Variants in RLF observed in about 807,000 individuals in gnomAD.
RLF encodes the protein RLF zinc finger.
In RLF, 7 loss-of-function variants were observed where a neutral mutation model predicts 162.9. That is an observed-to-expected ratio of 0.04 (90% CI 0.02 to 0.08). RLF has a LOEUF of 0.08. Ranked by LOEUF, RLF falls within the 10% of genes least tolerant of loss-of-function variation. The pLI is 1.00. For synonymous variants in RLF, 782 were observed against 791.5 expected (o/e 0.99, Z 0.20); for missense variants, 1,664 against 2,244.7 (o/e 0.74, Z 5.23).
At chr1:40,232,923 A>G (rs7517533) in intron 7 of RLF, among the ~76,000 whole-genome samples, 7,888 of 151,900 alleles carry the variant, frequency 0.052, 598 homozygotes, top group African/African-American at 0.17. Context: ...TTTGTTGCCC[A>G]GACTGGTTCT....
intron 1 of RLF, among the ~76,000 whole-genome samples, chr1:40,172,153 A>G (rs1015693981): frequency 6.6e-6 from 1 of 151,982 alleles, no homozygotes; most frequent in African/African-American, 2.4e-5. Context: ...CTAAAAAAAA[A>G]TTTTTTTTAA....
At chr1:40,207,096 C>T (rs1238473586) in intron 5 of RLF, among the ~76,000 whole-genome samples, 2 of 152,108 alleles carry the variant, frequency 1.3e-5, no homozygotes, top group East Asian at 1.9e-4. Context: ...TTTGATTATT[C>T]GGTATTTCCT....
chr1:40,222,733 T>C, intron 6 of RLF, 23 bp downstream of exon 6: 1 of 1,601,630 alleles, frequency 6.2e-7, no homozygotes, highest in Non-Finnish European at 8.5e-7. Flanking sequence ...AGTTTTACAC[T>C]CTTTATTTGT....
chr1:40,174,812 G>A (rs774802849), intron 1 of RLF, among the ~76,000 whole-genome samples: 1 of 152,164 alleles, frequency 6.6e-6, no homozygotes, highest in South Asian at 2.1e-4. Context: ...AGAACTGAAA[G>A]TATTTGCGTT....
intron 5 of RLF, among the ~76,000 whole-genome samples, chr1:40,211,112 A>G (rs1187249416): frequency 6.6e-6 from 1 of 152,248 alleles, no homozygotes; most frequent in African/African-American, 2.4e-5. Flanking sequence ...TAGTTGTAAC[A>G]GAAACTCTCT....
At chr1:40,177,800 A>G (rs1299829550) in intron 1 of RLF, 2 of 152,020 alleles carry the variant, frequency 1.3e-5, no homozygotes, top group African/African-American at 4.8e-5. Flanking sequence ...AAAGTTCTTT[A>G]GATATAGATA....
chr1:40,194,768 C>T (rs1269685927), intron 3 of RLF, among the ~76,000 whole-genome samples: 1 of 151,820 alleles, frequency 6.6e-6, no homozygotes, highest in Non-Finnish European at 1.5e-5. Context: ...TTCAGGAAAA[C>T]GTTTTAAAGG....
chr1:40,204,443 T>G (rs954474633), intron 5 of RLF, among the ~76,000 whole-genome samples: 2 of 151,114 alleles, frequency 1.3e-5, no homozygotes, highest in Non-Finnish European at 3.0e-5. Context: ...TGCCAGCTAA[T>G]TTTACTCCAG....
chr1:40,233,550 G>C (rs911995865), intron 7 of RLF, among the ~76,000 whole-genome samples: 4 of 152,172 alleles, frequency 2.6e-5, no homozygotes, highest in African/African-American at 9.7e-5. Flanking sequence ...TAAGTCAAGA[G>C]ACCCATGGTC....
At chr1:40,186,476 G>A (rs1412146095) in intron 1 of RLF, among the ~76,000 whole-genome samples, 2 of 152,220 alleles carry the variant, frequency 1.3e-5, no homozygotes, top group Non-Finnish European at 2.9e-5. Flanking sequence ...TTGAATCTTT[G>A]AAATTGTGTA....
intron 5 of RLF, among the ~76,000 whole-genome samples, chr1:40,208,823 A>G (rs1018016679): frequency 6.6e-6 from 1 of 152,206 alleles, no homozygotes; most frequent in South Asian, 2.1e-4. Flanking sequence ...TCTCAAAAAC[A>G]AAAAAACTTT....
In RLF at chr1:40,161,750, G is replaced by C; in HGVS notation, c.237+114G>C. 1 of 1,409,114 alleles carries C rather than the reference G, an allele frequency of 7.1e-7. No individual in the cohort carries two copies. Among genetic ancestry groups the C allele is most frequent in the Non-Finnish European group, 9.4e-7 (1 of 1,066,600 alleles). The allele number at this position is 1,409,114 out of a possible 1,614,324, so 87.3% of individuals were successfully genotyped here. A position where few individuals can be genotyped will look rare whatever the true frequency, so the allele number is the denominator to read the frequency against. ...CTGAAAGGCGCCACCTCCGTGACTC[G>C]CCGCGCCCCCGGGCCGGGAAGGCCC... On this transcript the variant is annotated intron_variant, in intron 1 of 7. Transcript: ENST00000372771. This position sits in a 1 kb window ranked among gnomAD's most constrained non-coding sequence, Gnocchi z 4.4.
chr1:40,170,857 A>T (rs755203157), intron 1 of RLF, among the ~76,000 whole-genome samples: 1 of 152,188 alleles, frequency 6.6e-6, no homozygotes, highest in African/African-American at 2.4e-5. Context: ...TTGCTGCAAC[A>T]TAGGTAGGCC....
intron 6 of RLF, among the ~76,000 whole-genome samples, chr1:40,231,200 C>T (rs1367716000): frequency 6.6e-6 from 1 of 152,178 alleles, no homozygotes; most frequent in East Asian, 1.9e-4. Context: ...GTATATTAAT[C>T]ACCAGTGTGA....
In RLF at chr1:40,237,756, A is replaced by C. The variant is rs780889325; in HGVS notation, c.3054A>C (p.Thr1018=). Residue 1018 remains threonine (T), a synonymous_variant, in exon 8 of 8, where the codon ACA becomes ACC. Coordinates refer to ENST00000372771, the MANE Select transcript of RLF (RefSeq NM_012421.4). The surrounding 1 kb of genome is among the most constrained non-coding windows in gnomAD (Gnocchi z 4.4). ...LDAEPKPCSD[T]NSDSPDEGLD... ...CAGAACCTAAACCCTGCTCAGATAC[A>C]AACAGTGACTCCCCAGATGAAGGTC... The C allele has an allele frequency of 3.1e-6, 5 of 1,614,150 alleles. No homozygotes were observed. In the Admixed American group the frequency reaches 8.3e-5, roughly 27 times the overall value.
chr1:40,166,259 C>T (rs1053359484), intron 1 of RLF, among the ~76,000 whole-genome samples: 1 of 151,626 alleles, frequency 6.6e-6, no homozygotes. Flanking sequence ...ATGATACACA[C>T]ATGAGATAGA....
intron 1 of RLF, among the ~76,000 whole-genome samples, chr1:40,178,978 G>T (rs1642370413): frequency 6.6e-6 from 1 of 152,076 alleles, no homozygotes; most frequent in Admixed American, 6.5e-5. Flanking sequence ...GGGACTACAG[G>T]CCTGTGCCAC....
chr1:40,178,611 T>G (rs1406442953), intron 1 of RLF, among the ~76,000 whole-genome samples: 1 of 150,282 alleles, frequency 6.7e-6, no homozygotes, highest in Non-Finnish European at 1.5e-5. Flanking sequence ...CCCAAAGCTG[T>G]CTTTGGTGTT....
rs1186183007 is a variant in RLF, at chr1:40,238,791, T to A, written c.4089T>A (p.Ala1363=). ...TTGTCAAATGTAAAAAGATATTTGC[T>A]TGCAAATATAAGGAATGTAATAAAC... ...RELVKCKKIF[A]CKYKECNKRF... The change falls in exon 8 of 8, where the codon GCT becomes GCA. Residue 1363 remains alanine (A), a synonymous_variant. Transcript: ENST00000372771. The surrounding 1 kb of genome is among the most constrained non-coding windows in gnomAD (Gnocchi z 5.2). 6.2e-7 allele frequency: 1 copy of A among 1,612,498 alleles called. No homozygotes were observed. The highest frequency in any genetic ancestry group is 2.2e-5 in the East Asian group (1 of 44,880).
Sources: gnomAD v4.1 joint callset for allele counts (sites outside exome capture counted in the v4.1 genomes callset) on GRCh38, gnomAD v4.1.1 for gene constraint, Gnocchi (gnomAD v3.1) non-coding constraint, MANE v1.5 for transcripts, NCBI Gene and HGNC (gene_info 2026-07-23, HGNC 2026-07-21) for gene names.